The following DNAH14 variants were observed in gnomAD, a reference collection of about 807,000 sequenced individuals.
The protein encoded by DNAH14 is dynein axonemal heavy chain 14.
DNAH14 carries 478 observed loss-of-function variants against 520.9 expected under a neutral mutation model. The ratio of observed to expected loss-of-function variants is 0.92; its 90% CI spans 0.85 to 0.99. DNAH14 has a LOEUF of 0.99. Among genes scored for constraint, DNAH14 ranks in the 50% least tolerant of loss-of-function variants. The pLI is 0.00. For missense variants in DNAH14, 4,831 were observed against 5,234.5 expected (o/e 0.92, Z 2.38); for synonymous variants, 1,581 against 1,757.2 (o/e 0.90, Z 2.51).
chr1:225,338,941 G>C (rs905880495), intron 68 of DNAH14, among the ~76,000 whole-genome samples: 4 of 152,024 alleles, frequency 2.6e-5, no homozygotes, highest in African/African-American at 9.7e-5. Context: ...CCTGTTGGTC[G>C]CTGTGTCCTC....
At chr1:225,045,142 C>G (rs1239793980) in intron 15 of DNAH14, among the ~76,000 whole-genome samples, 2 of 152,034 alleles carry the variant, frequency 1.3e-5, no homozygotes, top group African/African-American at 4.8e-5. Flanking sequence ...GAACTAAGTT[C>G]TTACCAATCT....
At chr1:225,206,226 A>T (rs1573980590) in intron 40 of DNAH14, 47 bp downstream of exon 40, 1 of 1,449,408 alleles carries the variant, frequency 6.9e-7, no homozygotes, top group Non-Finnish European at 9.3e-7. Context: ...AATGTTGTTT[A>T]TGATAGTAAC....
chr1:225,336,465 T>C (rs576790859), intron 66 of DNAH14, among the ~76,000 whole-genome samples: 2 of 140,976 alleles, frequency 1.4e-5, no homozygotes, highest in South Asian at 2.4e-4. Context: ...TCAAATAATA[T>C]AAAGCAAATA....
intron 55 of DNAH14, among the ~76,000 whole-genome samples, chr1:225,298,244 C>T (rs1163584825): frequency 6.6e-6 from 1 of 152,120 alleles, no homozygotes; most frequent in Non-Finnish European, 1.5e-5. Flanking sequence ...TGACTGTGGG[C>T]ACAGAGCTGT....
intron 8 of DNAH14, among the ~76,000 whole-genome samples, chr1:225,002,226 C>T (rs75277016): frequency 0.011 from 1,694 of 152,132 alleles, 17 homozygotes; most frequent in Non-Finnish European, 0.016. Flanking sequence ...CTTTTCTCCC[C>T]GAGTTCTGTC....
Position 225,112,290 on chromosome 1 carries a change from C to G in DNAH14, c.3868-5394C>G, listed in dbSNP as rs187304522. ...CCTTCTGCACTTCAAGTAAGTCATG[C>G]CACTCTCTTGGCCTATAAGGTTTCC... is the stretch of plus-strand genomic sequence containing the variant. On this transcript the variant is annotated intron_variant, in intron 23 of 85. Coordinates refer to ENST00000682510, the MANE Select transcript of DNAH14 (RefSeq NM_001367479.1). Among the ~76,000 whole-genome samples, 3 of 152,246 alleles carry G rather than the reference C, an allele frequency of 2.0e-5. No homozygotes were observed. The East Asian group carries it at 5.8e-4, about 29-fold the overall frequency.
intron 37 of DNAH14, among the ~76,000 whole-genome samples, chr1:225,190,009 C>A (rs560270333): frequency 2.0e-5 from 3 of 151,904 alleles, no homozygotes; most frequent in South Asian, 4.1e-4. Flanking sequence ...GTGTCCCCCC[C>A]ACCCAAAATT....
At chr1:225,252,458 A>T in intron 44 of DNAH14, 41 bp downstream of exon 44, 1 of 1,125,108 alleles carries the variant, frequency 8.9e-7, no homozygotes, top group Non-Finnish European at 1.3e-6. Context: ...ACGTTAGAAT[A>T]TTGGGTATAC....
At chr1:225,392,942 A>C (rs2095940500) in intron 84 of DNAH14, among the ~76,000 whole-genome samples, 1 of 152,158 alleles carries the variant, frequency 6.6e-6, no homozygotes, top group African/African-American at 2.4e-5. Context: ...ACAGAGCACC[A>C]GCCAGCCAGG....
At chr1:224,984,782 A>C (rs897922644) in intron 8 of DNAH14, among the ~76,000 whole-genome samples, 5 of 152,212 alleles carry the variant, frequency 3.3e-5, no homozygotes, top group Non-Finnish European at 7.3e-5. Flanking sequence ...AAGAGAAAAA[A>C]CAATCCCATA....
intron 27 of DNAH14, among the ~76,000 whole-genome samples, chr1:225,139,195 A>G (rs935208647): frequency 3.9e-5 from 6 of 152,084 alleles, no homozygotes; most frequent in African/African-American, 1.4e-4. Context: ...ACTTACCCAA[A>G]CTGTTCTTTA....
intron 79 of DNAH14, among the ~76,000 whole-genome samples, chr1:225,379,303 T>C (rs2095749651): frequency 6.6e-6 from 1 of 152,100 alleles, no homozygotes; most frequent in Non-Finnish European, 1.5e-5. Flanking sequence ...GCTTTTATAA[T>C]ACATATTTCC....
intron 2 of DNAH14, 146 bp downstream of exon 2, chr1:224,952,925 T>A: frequency 1.9e-6 from 1 of 530,844 alleles, no homozygotes; most frequent in Non-Finnish European, 3.0e-6. Context: ...AAACCTTAGT[T>A]TCTCAGGGAG....
intron 27 of DNAH14, among the ~76,000 whole-genome samples, chr1:225,127,776 A>T (rs531456822): frequency 6.6e-6 from 1 of 152,070 alleles, no homozygotes; most frequent in South Asian, 2.1e-4. Context: ...TATTTTGCTC[A>T]TTAGTTGATG....
chr1:225,357,248 A>G (rs979327336), intron 73 of DNAH14, among the ~76,000 whole-genome samples: 3 of 152,142 alleles, frequency 2.0e-5, no homozygotes, highest in African/African-American at 7.2e-5. Context: ...GGTTGCTTAG[A>G]AAGGAGCTAG....
intron 50 of DNAH14, among the ~76,000 whole-genome samples, chr1:225,271,495 C>A (rs2093313828): frequency 6.6e-6 from 1 of 152,006 alleles, no homozygotes; most frequent in East Asian, 1.9e-4. Context: ...CAGTAAGATA[C>A]TTCAGAATTT....
rs1210344683 is a variant in DNAH14, at chr1:225,207,179, CT to C, written c.6401del (p.Phe2134SerfsTer17). The C allele has an allele frequency of 3.9e-6, 6 of 1,534,414 alleles. No homozygotes were observed. The highest frequency in any genetic ancestry group is 5.3e-6 in the Non-Finnish European group (6 of 1,139,700). ...VVITLCRILD[A>X]FFDFMGKNGG... The stretch of plus-strand genomic sequence containing the variant: ...ATAACCCTCTGCAGAATTCTTGATG[CT>C]TTCTTTGACTTCATGGGTAAAAATG... On this transcript the variant is annotated frameshift_variant, in exon 41 of 86. Coordinates refer to ENST00000682510, the MANE Select transcript of DNAH14 (RefSeq NM_001367479.1). LOFTEE classifies it high-confidence loss of function.
intron 34 of DNAH14, 141 bp from the exon 35 acceptor site, chr1:225,159,173 C>T: frequency 1.5e-6 from 1 of 659,630 alleles, no homozygotes; most frequent in Non-Finnish European, 2.5e-6. Flanking sequence ...CCACCCAAAC[C>T]ATATGGCTGC....
In DNAH14 at chr1:225,258,046, A is replaced by G. The variant is rs1455118635; in HGVS notation, c.6952A>G (p.Thr2318Ala). 6.4e-6 allele frequency: 10 copies of G among 1,550,644 alleles called. No homozygotes were observed. Among genetic ancestry groups the G allele is most frequent in the Non-Finnish European group, 7.8e-6 (9 of 1,146,566 alleles). ...ECGECINYTA[T>A]RDTTCLSFLM... ...TGGAGAATGCATTAATTATACCGCT[A>G]CCAGAGACACAACATGCCTTTCTTT... Residue 2318 changes from threonine to alanine, a missense_variant, in exon 45 of 86, where the codon ACC becomes GCC. Physicochemically the swap from Thr to Ala is moderately conservative, Grantham distance 58 (BLOSUM62 0). Coordinates refer to ENST00000682510, the MANE Select transcript of DNAH14 (RefSeq NM_001367479.1).
Sources: allele counts gnomAD v4.1 joint callset (sites outside exome capture counted in the v4.1 genomes callset), GRCh38; gene constraint gnomAD v4.1.1; transcripts MANE v1.5; gene names NCBI Gene and HGNC (gene_info 2026-07-23, HGNC 2026-07-21).